The following HMCN1 variants were observed in gnomAD, a reference collection of about 807,000 sequenced individuals.
HMCN1 encodes hemicentin 1, also known as hemicentin-1.
HMCN1 carries 321 observed loss-of-function variants against 625.9 expected under a neutral mutation model. The observed-to-expected ratio is 0.51, with a 90% CI of 0.47 to 0.56. The LOEUF is 0.56. Ranked by LOEUF, HMCN1 falls within the 20% of genes least tolerant of loss-of-function variation. HMCN1 has a pLI of 0.00. For synonymous variants in HMCN1, 2,425 were observed against 2,417.6 expected, an observed-to-expected ratio of 1.00 and a Z score of -0.09; for missense variants, 6,588 against 6,887.3, an observed-to-expected ratio of 0.96 and a Z score of 1.54.
At chr1:185,958,106 A>G (rs1363813285) in intron 11 of HMCN1, among the ~76,000 whole-genome samples, 3 of 152,016 alleles carry the variant, frequency 2.0e-5, no homozygotes, top group East Asian at 1.9e-4. Flanking sequence ...TTTTTGAGAA[A>G]GGGTCTTGTT....
At chr1:185,942,935 A>T (rs1668155482) in intron 11 of HMCN1, among the ~76,000 whole-genome samples, 1 of 152,026 alleles carries the variant, frequency 6.6e-6, no homozygotes, top group South Asian at 2.1e-4. Context: ...TTTTTTAATA[A>T]TGGATACTGC....
chr1:186,172,283 G>C (rs1302950690), intron 102 of HMCN1, 152 bp downstream of exon 102: 1 of 1,069,648 alleles, frequency 9.3e-7, no homozygotes, highest in Non-Finnish European at 1.4e-6. Context: ...GGATAATTGA[G>C]CTCCAGGTCC....
At chr1:185,823,730 G>T (rs534714007) in intron 1 of HMCN1, among the ~76,000 whole-genome samples, 1 of 152,096 alleles carries the variant, frequency 6.6e-6, no homozygotes. Flanking sequence ...AAGGACCTGT[G>T]TGTCTTTCCT....
intron 3 of HMCN1, 125 bp downstream of exon 3, chr1:185,864,753 C>A: frequency 1.2e-6 from 1 of 822,046 alleles, no homozygotes; most frequent in Non-Finnish European, 2.0e-6. Context: ...CATGTATGTT[C>A]TCCAATATGT....
intron 1 of HMCN1, among the ~76,000 whole-genome samples, chr1:185,741,173 TG>T (rs1557933689): frequency 6.6e-6 from 1 of 152,114 alleles, no homozygotes; most frequent in Non-Finnish European, 1.5e-5. Flanking sequence ...TGCCCAATTT[TG>T]AACTTTCCAG....
At chr1:185,750,897 A>G (rs1464352425) in intron 1 of HMCN1, among the ~76,000 whole-genome samples, 2 of 151,336 alleles carry the variant, frequency 1.3e-5, no homozygotes, top group Non-Finnish European at 2.9e-5. Context: ...TCTGTTAAAA[A>G]TGTTTATCCT....
At chr1:186,026,475 G>A (rs1000010773) in intron 36 of HMCN1, among the ~76,000 whole-genome samples, 3 of 152,142 alleles carry the variant, frequency 2.0e-5, no homozygotes, top group African/African-American at 7.2e-5. Flanking sequence ...AATTAATACT[G>A]TTGCTCTTCG....
At chr1:186,062,231 T>C (rs3795406) in intron 47 of HMCN1, among the ~76,000 whole-genome samples, 94,669 of 152,036 alleles carry the variant, frequency 0.62, 30,422 homozygotes, top group African/African-American at 0.79. Context: ...ATTAGAGTTA[T>C]AGTGGAAGAA....
intron 29 of HMCN1, among the ~76,000 whole-genome samples, chr1:186,006,154 C>A (rs990481999): frequency 6.7e-5 from 10 of 148,516 alleles, no homozygotes; most frequent in African/African-American, 9.9e-5. Flanking sequence ...AAAAAAAAAA[C>A]CTTAAAACAC....
intron 4 of HMCN1, among the ~76,000 whole-genome samples, chr1:185,871,360 C>T (rs1663609389): frequency 6.6e-6 from 1 of 152,144 alleles, no homozygotes; most frequent in Non-Finnish European, 1.5e-5. Context: ...AAGACTAACG[C>T]TCTGGGACCA....
rs532624851 is a variant in HMCN1 at position 185,809,739 on chromosome 1, A to C, written c.269-36287A>C. 5.9e-5 allele frequency among the ~76,000 whole-genome samples: 9 copies of C among 152,152 alleles called. No homozygotes were observed. The South Asian group carries it at 1.9e-3, about 32-fold the overall frequency. On this transcript the variant is annotated intron_variant, in intron 1 of 106. Transcript: ENST00000271588. ...ATATGGGATCAGTCAGGGAGGAGGT[A>C]CTTCAAAAGTATTTAGGTCTGTTCT...
rs200950894 is a variant in HMCN1 at position 185,937,882 on chromosome 1, AAATAATAATAAT to A, written c.1828+4087_1828+4098del. The stretch of plus-strand genomic sequence containing the variant: ...GGCAACAGAGCGAGACTCCATCTCA[AAATAATAATAAT>A]AATAATAATAATAATAATAATAATA... On this transcript the variant is annotated intron_variant, in intron 11 of 106. Transcript: ENST00000271588. Among the ~76,000 whole-genome samples the A allele has an allele frequency of 3.5e-3, 500 of 142,634 alleles. 4 individuals carry two copies. Among genetic ancestry groups the A allele is most frequent in the African/African-American group, 0.012 (471 of 38,766 alleles). The allele number at this position is 142,634 out of a possible 152,430, so 93.6% of individuals were successfully genotyped here.
Position 186,053,363 on chromosome 1 carries a change from A to C in HMCN1, c.6700+289A>C, listed in dbSNP as rs143446102. Among the ~76,000 whole-genome samples, 299 of 152,122 alleles carry C rather than the reference A, an allele frequency of 2.0e-3. 11 individuals carry two copies. In the South Asian group the frequency reaches 0.039, roughly 20 times the overall value. On this transcript the variant is annotated intron_variant, in intron 43 of 106. Transcript: ENST00000271588. ...TTATAGGGCAGCTATAAACATCGAG[A>C]ATCCGTCATTCAGAAACTATATTTT...
intron 1 of HMCN1, among the ~76,000 whole-genome samples, chr1:185,754,047 G>C (rs947667231): frequency 1.3e-5 from 2 of 152,180 alleles, no homozygotes; most frequent in African/African-American, 4.8e-5. Flanking sequence ...AATGGATAAA[G>C]AGATGTGGTA....
rs1289543405 is a variant in HMCN1, at chr1:186,189,842, C to A, written c.16872C>A (p.Phe5624Leu). ...ANGTIEYQTTFIVYIAVSAYP... is the reference protein window; with the variant it reads ...ANGTIEYQTTLIVYIAVSAYP... ...GGACCATTGAATATCAGACCACATT[C>A]ATAGTTTATATAGCTGTGTCCGCCT... Residue 5624 changes from phenylalanine (F) to leucine (L), a missense_variant, in exon 107 of 107, where the codon TTC becomes TTA. By Grantham distance (22) the Phe-to-Leu change is conservative. This residue lies in a region of HMCN1 where 1,954 missense variants were observed against 2,013.1 expected (regional missense o/e 0.97). Coordinates refer to ENST00000271588, the MANE Select transcript of HMCN1 (RefSeq NM_031935.3). 1 of 1,613,850 alleles carries A rather than the reference C, an allele frequency of 6.2e-7. No homozygotes were observed. Among genetic ancestry groups the A allele is most frequent in the East Asian group, 2.2e-5 (1 of 44,872 alleles).
Position 185,829,299 on chromosome 1 carries a change from AT to A in HMCN1, c.269-16726del, listed in dbSNP as rs369579722. On this transcript the variant is annotated intron_variant, in intron 1 of 106. Transcript: ENST00000271588. ...GTTTCATTTTTTTTTTCTAAAAAAA[AT>A]AAAAGGGGGATACGTGTACAGAACG... Among the ~76,000 whole-genome samples, 204 of 149,920 alleles carry A rather than the reference AT, an allele frequency of 1.4e-3. 3 individuals are homozygous for A. Among genetic ancestry groups the A allele is most frequent in the Non-Finnish European group, 1.1e-3 (74 of 67,342 alleles).
At chr1:185,999,896 A>G in intron 25 of HMCN1, 149 bp from the exon 26 acceptor site, 1 of 610,400 alleles carries the variant, frequency 1.6e-6, no homozygotes. Flanking sequence ...TCATATTTCC[A>G]TGCCAGGAGA....
At chr1:186,185,836 CA>C (rs747736946) in intron 105 of HMCN1, among the ~76,000 whole-genome samples, 1 of 152,172 alleles carries the variant, frequency 6.6e-6, no homozygotes, top group Non-Finnish European at 1.5e-5. Context: ...ATTTGACCGT[CA>C]GGACCCACCT....
rs1470247311 is a variant in HMCN1 at position 186,190,330 on chromosome 1, T to TA, written c.*453dup. 4.6e-6 allele frequency: 1 copy of TA among 215,150 alleles called. No individual in the cohort carries two copies. The highest frequency in any genetic ancestry group is 1.5e-3 in the Middle Eastern group (1 of 648). 13.3% of individuals were successfully genotyped at this position (215,150 alleles called of 1,614,324 possible). ...TTTGATCAAAGCTTATAAAATAACTTACGGAGATTTTTGTAAGTATTGATA... is the reference window on the plus strand; with the variant it reads ...TTTGATCAAAGCTTATAAAATAACTTAACGGAGATTTTTGTAAGTATTGATA... On this transcript the variant is annotated 3_prime_UTR_variant, in exon 107 of 107. Transcript: ENST00000271588.
Sources: gnomAD v4.1 joint callset for allele counts (sites outside exome capture counted in the v4.1 genomes callset) on GRCh38, gnomAD v4.1.1 for gene constraint, gnomAD v4.1.1 regional missense constraint, MANE v1.5 for transcripts, NCBI Gene and HGNC (gene_info 2026-07-23, HGNC 2026-07-21) for gene names.